Variants in NREP observed in about 807,000 individuals in gnomAD.
NREP encodes the protein neuronal regeneration related protein, also known as neuronal regeneration-related protein.
A neutral mutation model predicts 8.6 loss-of-function variants in NREP; 5 were observed. That is an observed-to-expected ratio of 0.58 (90% CI 0.30 to 1.22). NREP has a LOEUF of 1.22. NREP is among the 50% of genes most tolerant of loss of function. The pLI, the probability that NREP is intolerant of heterozygous loss-of-function variation, is 0.07. For missense variants in NREP, 86 were observed against 82.5 expected (o/e 1.04, Z -0.17); for synonymous variants, 27 against 28.0 (o/e 0.96, Z 0.11).
upstream of NREP, chr5:111,758,172 G>T (rs1009976793): frequency 3.0e-6 from 3 of 985,576 alleles, no homozygotes; most frequent in Non-Finnish European, 3.6e-6. Flanking sequence ...AGCCCGGGGC[G>T]GGGAGCGCCC....
intron 2 of NREP, among the ~76,000 whole-genome samples, chr5:111,745,631 T>C (rs1371626911): frequency 6.6e-6 from 1 of 152,206 alleles, no homozygotes; most frequent in Non-Finnish European, 1.5e-5. Context: ...TCCTGTTCAC[T>C]ATAACTTTGC....
intron 2 of NREP, among the ~76,000 whole-genome samples, chr5:111,754,324 T>C (rs748429249): frequency 1.6e-4 from 24 of 152,214 alleles, no homozygotes; most frequent in Admixed American, 7.2e-4. Context: ...TCTTTGAGCT[T>C]GATCTATAGA....
At chr5:111,856,114 G>A (rs1437897735) in intron 2 of NREP, among the ~76,000 whole-genome samples, 1 of 152,166 alleles carries the variant, frequency 6.6e-6, no homozygotes, top group Non-Finnish European at 1.5e-5. Context: ...GGGGAAGCAT[G>A]GTGGGGGATC....
chr5:111,957,166 A>AAG (rs148766703), intron 2 of NREP, among the ~76,000 whole-genome samples: 4 of 151,064 alleles, frequency 2.6e-5, no homozygotes, highest in East Asian at 1.9e-4. Context: ...GAAAGAGCAA[A>AAG]AGAGAGAGAG....
chr5:111,958,337 C>A (rs990845684), intron 2 of NREP, among the ~76,000 whole-genome samples: 1 of 151,350 alleles, frequency 6.6e-6, no homozygotes, highest in Non-Finnish European at 1.5e-5. Context: ...CCATCTAATG[C>A]AATAAGAGAA....
chr5:111,880,577 T>A (rs1330894265), intron 2 of NREP, among the ~76,000 whole-genome samples: 1 of 152,166 alleles, frequency 6.6e-6, no homozygotes, highest in East Asian at 1.9e-4. Context: ...ACATCAGTCA[T>A]ATTGGATTAG....
intron 2 of NREP, among the ~76,000 whole-genome samples, chr5:111,936,904 A>G (rs2112608923): frequency 6.6e-6 from 1 of 152,140 alleles, no homozygotes; most frequent in Admixed American, 6.5e-5. Flanking sequence ...ATGCGCAAGA[A>G]CCGAATTATT....
intron 2 of NREP, among the ~76,000 whole-genome samples, chr5:111,875,927 C>T (rs971876457): frequency 2.6e-5 from 4 of 152,112 alleles, no homozygotes; most frequent in Non-Finnish European, 4.4e-5. Context: ...GCCGATCTGC[C>T]GTGAAATGTA....
chr5:111,804,033 A>G (rs775710519), intron 2 of NREP, among the ~76,000 whole-genome samples: 7 of 152,166 alleles, frequency 4.6e-5, no homozygotes, highest in Non-Finnish European at 1.0e-4. Context: ...TTGATTCCAA[A>G]GTTGCATGGA....
chr5:111,842,878 C>T (rs1260938391), intron 2 of NREP, among the ~76,000 whole-genome samples: 2 of 152,154 alleles, frequency 1.3e-5, no homozygotes, highest in African/African-American at 2.4e-5. Flanking sequence ...TCTTTTAGTA[C>T]TTACGATATA....
At chr5:111,876,760 G>A (rs2112505861) in intron 2 of NREP, among the ~76,000 whole-genome samples, 1 of 152,240 alleles carries the variant, frequency 6.6e-6, no homozygotes, top group South Asian at 2.1e-4. Flanking sequence ...TTATCATGTA[G>A]TACTTATTCT....
At chr5:111,856,358 C>A (rs1753427270) in intron 2 of NREP, among the ~76,000 whole-genome samples, 1 of 152,120 alleles carries the variant, frequency 6.6e-6, no homozygotes, top group Non-Finnish European at 1.5e-5. Context: ...AATGCCCTTT[C>A]CACACATGAC....
At chr5:111,974,879 G>T (rs893324337) in intron 2 of NREP, among the ~76,000 whole-genome samples, 1 of 152,168 alleles carries the variant, frequency 6.6e-6, no homozygotes, top group East Asian at 1.9e-4. Flanking sequence ...AAGACATACC[G>T]TCTCAGTACT....
chr5:111,833,529 G>T (rs1259996339), intron 2 of NREP, among the ~76,000 whole-genome samples: 1 of 152,210 alleles, frequency 6.6e-6, no homozygotes, highest in Non-Finnish European at 1.5e-5. Context: ...AATTTAGGGA[G>T]AAAACCACTT....
intron 2 of NREP, among the ~76,000 whole-genome samples, chr5:111,786,335 C>A (rs555538759): frequency 1.5e-4 from 23 of 152,274 alleles, no homozygotes; most frequent in African/African-American, 5.3e-4. Flanking sequence ...AATTAAACTT[C>A]TTTCCTTTAT....
chr5:111,750,504 T>C (rs1393789348), intron 2 of NREP, among the ~76,000 whole-genome samples: 1 of 152,148 alleles, frequency 6.6e-6, no homozygotes, highest in Non-Finnish European at 1.5e-5. Context: ...CTCCCACAGG[T>C]ATAAAAGTTA....
rs145583787 is a variant in NREP, at chr5:111,816,913, G to A, written c.136-81406C>T. Among the ~76,000 whole-genome samples the A allele has an allele frequency of 3.2e-4, 48 of 151,858 alleles. No individual in the cohort carries two copies. The East Asian group carries it at 7.5e-3, about 24-fold the overall frequency. ...ATGGAAAAAGATAAATTGTAAAAAC[G>A]CTAGCTGAAATAATGTTGAAGTAAC... On this transcript the variant is annotated intron_variant, in intron 2 of 3. Transcript: ENST00000395634.
At chr5:111,901,378 A>G (rs1256760550) in intron 2 of NREP, among the ~76,000 whole-genome samples, 1 of 152,178 alleles carries the variant, frequency 6.6e-6, no homozygotes, top group Non-Finnish European at 1.5e-5. Flanking sequence ...ATCACACAGA[A>G]TGAGGAAAAG....
intron 2 of NREP, among the ~76,000 whole-genome samples, chr5:111,737,705 C>G (rs772205258): frequency 1.4e-5 from 2 of 145,824 alleles, no homozygotes; most frequent in Non-Finnish European, 3.0e-5. Flanking sequence ...TCTAAGAACT[C>G]TCCATTTGCT....
Sources: gnomAD v4.1 joint callset for allele counts (sites outside exome capture counted in the v4.1 genomes callset) on GRCh38, gnomAD v4.1.1 for gene constraint, MANE v1.5 for transcripts, NCBI Gene and HGNC (gene_info 2026-07-23, HGNC 2026-07-21) for gene names.